Variants in DMRT3 observed in about 807,000 individuals in gnomAD.
DMRT3 encodes the protein doublesex- and mab-3-related transcription factor 3.
In DMRT3, 29 loss-of-function variants were observed where a neutral mutation model predicts 34.9. The observed-to-expected ratio is 0.83, with a 90% CI of 0.62 to 1.13. DMRT3 has a LOEUF of 1.13. Ranked by LOEUF, DMRT3 falls within the 50% of genes most tolerant of loss-of-function variation. The probability of loss-of-function intolerance (pLI) is 0.00; values close to 1 mark genes in which losing one functional copy is unlikely to be tolerated. For missense variants in DMRT3, 772 were observed against 629.1 expected (o/e 1.23, Z -2.43); for synonymous variants, 350 against 286.0 (o/e 1.22, Z -2.26).
chr9:986,155 C>G (rs1184244054), intron 1 of DMRT3, among the ~76,000 whole-genome samples: 1 of 152,186 alleles, frequency 6.6e-6, no homozygotes, highest in Non-Finnish European at 1.5e-5. Context: ...GAGAAAGTGA[C>G]TTTCACAGTC....
rs1413129701 is a variant in DMRT3 at position 976,967 on chromosome 9, C to T, written c.-35C>T. 3.5e-6 allele frequency: 5 copies of T among 1,437,916 alleles called. No individual in the cohort carries two copies. The East Asian group carries it at 8.0e-5, about 23-fold the overall frequency. 89.1% of individuals were successfully genotyped at this position (1,437,916 alleles called of 1,614,324 possible). On this transcript the variant is annotated 5_prime_UTR_variant, in exon 1 of 2. Coordinates refer to ENST00000190165, the MANE Select transcript of DMRT3 (RefSeq NM_021240.4). This position sits in a 1 kb window ranked among gnomAD's most constrained non-coding sequence, Gnocchi z 4.5. ...TCCAGCGCTCCCTGGCCCTCTCCCG[C>T]AGCCAGGCTGCCAACTCATTCGGGA...
Position 990,954 on chromosome 9 carries a change from T to C in DMRT3, c.1368T>C (p.Tyr456=). The change falls in exon 2 of 2, where the codon TAT becomes TAC. Residue 456 remains tyrosine, a synonymous_variant. Transcript: ENST00000190165. The part of the protein sequence containing the change: ...SKQSIYTEDD[Y]DERSDSSDSR... ...AGTCCATTTACACCGAGGACGACTA[T>C]GACGAGAGGTCTGACTCCTCAGACT... 6.2e-7 allele frequency: 1 copy of C among 1,614,114 alleles called. No homozygotes were observed. Among genetic ancestry groups the C allele is most frequent in the Non-Finnish European group, 8.5e-7 (1 of 1,180,020 alleles).
At chr9:977,708 T>TA (rs1473390923) in intron 1 of DMRT3, among the ~76,000 whole-genome samples, 2 of 152,196 alleles carry the variant, frequency 1.3e-5, no homozygotes, top group African/African-American at 4.8e-5. Context: ...TGTGCGTCAG[T>TA]ATCGCCAGGT....
intron 1 of DMRT3, among the ~76,000 whole-genome samples, chr9:984,792 T>A (rs139375019): frequency 6.6e-6 from 1 of 152,192 alleles, no homozygotes; most frequent in Non-Finnish European, 1.5e-5. Flanking sequence ...AGCAGAATGT[T>A]TGTTTCTCAT....
intron 1 of DMRT3, among the ~76,000 whole-genome samples, chr9:982,443 CT>C: frequency 6.6e-6 from 1 of 152,344 alleles, no homozygotes; most frequent in Middle Eastern, 3.4e-3. Flanking sequence ...ACACAACCAA[CT>C]TTTCTTTTTC....
chr9:977,699 G>A (rs561342316), intron 1 of DMRT3, among the ~76,000 whole-genome samples: 1 of 152,364 alleles, frequency 6.6e-6, no homozygotes, highest in East Asian at 1.9e-4. Context: ...CGACGGGACT[G>A]TGCGTCAGTA....
At chr9:980,050 G>A (rs879928917) in intron 1 of DMRT3, among the ~76,000 whole-genome samples, 2 of 151,886 alleles carry the variant, frequency 1.3e-5, no homozygotes, top group Non-Finnish European at 2.9e-5. Flanking sequence ...GTCTTTTTGC[G>A]GGGCAAAGGA....
chr9:978,633 T>C (rs1820180503), intron 1 of DMRT3, among the ~76,000 whole-genome samples: 1 of 152,082 alleles, frequency 6.6e-6, no homozygotes, highest in Admixed American at 6.6e-5. Flanking sequence ...GCTGAGGAAG[T>C]GAGGCGGACT....
rs777186321 is a variant in DMRT3 at position 990,081 on chromosome 9, C to G, written c.495C>G (p.Asp165Glu). ...EERLGDGKSA[D>E]NTEVFSDKDT... ...GACTTGGAGACGGCAAGTCGGCAGA[C>G]AATACAGAGGTCTTCAGTGACAAAG... The change falls in exon 2 of 2, where the codon GAC becomes GAG. Residue 165 changes from aspartate (D) to glutamate (E), a missense_variant. By Grantham distance (45) the Asp-to-Glu change is conservative (BLOSUM62 2). Coordinates refer to ENST00000190165, the MANE Select transcript of DMRT3 (RefSeq NM_021240.4). The G allele has an allele frequency of 6.2e-7, 1 of 1,613,832 alleles. No homozygotes were observed. Among genetic ancestry groups the G allele is most frequent in the Non-Finnish European group, 8.5e-7 (1 of 1,180,030 alleles).
chr9:982,711 C>T (rs1820237089), intron 1 of DMRT3, among the ~76,000 whole-genome samples: 3 of 152,316 alleles, frequency 2.0e-5, no homozygotes, highest in South Asian at 2.1e-4. Flanking sequence ...CTGGAGGACT[C>T]GGAGCCCTTT....
chr9:976,884 G>T lies in DMRT3; in HGVS notation c.-118G>T. ...GAGCACACACGACCACCGGGGCTGC[G>T]GGACCAAGGGCCGCGTCGCCCGGAG... is the stretch of plus-strand genomic sequence containing the variant. On this transcript the variant is annotated 5_prime_UTR_variant, in exon 1 of 2. Coordinates refer to ENST00000190165, the MANE Select transcript of DMRT3 (RefSeq NM_021240.4). The surrounding 1 kb of genome is among the most constrained non-coding windows in gnomAD (Gnocchi z 4.5). 8.8e-7 allele frequency: 1 copy of T among 1,141,582 alleles called. No homozygotes were observed. Among genetic ancestry groups the T allele is most frequent in the Non-Finnish European group, 1.1e-6 (1 of 873,448 alleles). The allele number at this position is 1,141,582 out of a possible 1,614,324, so 70.7% of individuals were successfully genotyped here. A position where few individuals can be genotyped will look rare whatever the true frequency, so the allele number is the denominator to read the frequency against.
At position 991,189 on chromosome 9, in the gene DMRT3, C is replaced by G; in HGVS notation, c.*184C>G. 1.4e-6 allele frequency: 1 copy of G among 701,160 alleles called. No individual in the cohort carries two copies. Among genetic ancestry groups the G allele is most frequent in the Non-Finnish European group, 2.3e-6 (1 of 435,512 alleles). 43.4% of individuals were successfully genotyped at this position (701,160 alleles called of 1,614,324 possible). On this transcript the variant is annotated 3_prime_UTR_variant, in exon 2 of 2. Transcript: ENST00000190165. ...ACTTCTTGCACTTCACTGGAAAATG[C>G]CAAATAGCTCTGTTCTGTGGCTTTA... is the stretch of plus-strand genomic sequence containing the variant.
At chr9:987,589 G>T (rs1820301783) in intron 1 of DMRT3, among the ~76,000 whole-genome samples, 1 of 152,088 alleles carries the variant, frequency 6.6e-6, no homozygotes. Context: ...AATGCTGCCA[G>T]GCCCTGTTTG....
rs904642579 is a variant in DMRT3, at chr9:976,902, G to T, written c.-100G>T. The T allele has an allele frequency of 1.3e-5, 17 of 1,286,388 alleles. No homozygotes were observed. The highest frequency in any genetic ancestry group is 1.6e-5 in the Non-Finnish European group (16 of 999,310). 79.7% of individuals were successfully genotyped at this position (1,286,388 alleles called of 1,614,324 possible). ...GGGCTGCGGGACCAAGGGCCGCGTC[G>T]CCCGGAGGCCGCCCCTGAGCGGGCC... On this transcript the variant is annotated 5_prime_UTR_variant, in exon 1 of 2. Coordinates refer to ENST00000190165, the MANE Select transcript of DMRT3 (RefSeq NM_021240.4). The surrounding 1 kb of genome is among the most constrained non-coding windows in gnomAD (Gnocchi z 4.5).
chr9:988,038 G>C (rs1042154260), intron 1 of DMRT3, among the ~76,000 whole-genome samples: 1 of 152,064 alleles, frequency 6.6e-6, no homozygotes, highest in Non-Finnish European at 1.5e-5. Context: ...TTTCTCTTTT[G>C]AATCAAGGAC....
chr9:987,357 C>T (rs1236055356), intron 1 of DMRT3, among the ~76,000 whole-genome samples: 1 of 151,562 alleles, frequency 6.6e-6, no homozygotes, highest in Non-Finnish European at 1.5e-5. Context: ...AAGGTTCATC[C>T]ATGTTATAGC....
rs1563686495 is a variant in DMRT3 at position 977,296 on chromosome 9, CCGCCGGGGGACGCCGTCGCCGCCCCG to C, written c.297_322del (p.Pro100AlafsTer47). On this transcript the variant is annotated frameshift_variant, in exon 1 of 2. Transcript: ENST00000190165. LOFTEE classifies it high-confidence loss of function. ...GCTGCGCGCTCTGCCAGGGCCCCCG[CCGCCGGGGGACGCCGTCGCCGCCCCG>C]CAGCCGCCGCCAGCCTCTCAGCCGT... 1 of 1,396,652 alleles carries C rather than the reference CCGCCGGGGGACGCCGTCGCCGCCCCG, an allele frequency of 7.2e-7. No homozygotes were observed. The highest frequency in any genetic ancestry group is 9.3e-7 in the Non-Finnish European group (1 of 1,070,146). The allele number at this position is 1,396,652 out of a possible 1,614,324, so 86.5% of individuals were successfully genotyped here. A position where few individuals can be genotyped will look rare whatever the true frequency, so the allele number is the denominator to read the frequency against.
Position 991,483 on chromosome 9 carries a change from AAG to A in DMRT3, c.*484_*485del. On this transcript the variant is annotated 3_prime_UTR_variant, in exon 2 of 2. Transcript: ENST00000190165. ...TTACACTAAAAATCCTTGCATTTTA[AAG>A]AGAGATGCACTTAAGAATAGAGTGA... 6.4e-6 allele frequency: 1 copy of A among 155,076 alleles called. No individual in the cohort carries two copies. Among genetic ancestry groups the A allele is most frequent in the Admixed American group, 6.4e-5 (1 of 15,736 alleles). The allele number at this position is 155,076 out of a possible 1,614,324, so 9.6% of individuals were successfully genotyped here. A position where few individuals can be genotyped will look rare whatever the true frequency, so the allele number is the denominator to read the frequency against.
chr9:991,158 T>TA lies in DMRT3; in HGVS notation c.*154dup. The TA allele has an allele frequency of 9.4e-7, 1 of 1,065,068 alleles. No individual in the cohort carries two copies. Among genetic ancestry groups the TA allele is most frequent in the East Asian group, 2.4e-5 (1 of 41,116 alleles). 66.0% of individuals were successfully genotyped at this position (1,065,068 alleles called of 1,614,324 possible). ...ATACATTAGCAATAAAAACATAACT[T>TA]ATTTAACTTCTTGCACTTCACTGGA... On this transcript the variant is annotated 3_prime_UTR_variant, in exon 2 of 2. Coordinates refer to ENST00000190165, the MANE Select transcript of DMRT3 (RefSeq NM_021240.4).
Sources: gnomAD v4.1 joint callset for allele counts (sites outside exome capture counted in the v4.1 genomes callset) on GRCh38, gnomAD v4.1.1 for gene constraint, Gnocchi (gnomAD v3.1) non-coding constraint, MANE v1.5 for transcripts, NCBI Gene and HGNC (gene_info 2026-07-23, HGNC 2026-07-21) for gene names.